ZC2HC1A: variants seen among roughly 807,000 people sequenced by gnomAD.
ZC2HC1A encodes zinc finger C2HC domain-containing protein 1A.
A neutral mutation model predicts 40.7 loss-of-function variants in ZC2HC1A; 28 were observed. The observed-to-expected ratio is 0.69, with a 90% CI of 0.51 to 0.94. The LOEUF is 0.94. Among genes scored for constraint, ZC2HC1A ranks in the 40% least tolerant of loss-of-function variants. The probability of loss-of-function intolerance (pLI) is 0.00; values close to 1 mark genes in which losing one functional copy is unlikely to be tolerated. For synonymous variants in ZC2HC1A, 129 were observed against 129.2 expected, an observed-to-expected ratio of 1.00 and a Z score of 0.01; for missense variants, 389 against 386.3, an observed-to-expected ratio of 1.01 and a Z score of -0.06.
rs1242861224 is a variant in ZC2HC1A at position 78,687,569 on chromosome 8, T to C, written c.352+961T>C. 4.2e-5 allele frequency among the ~76,000 whole-genome samples: 6 copies of C among 142,636 alleles called. No homozygotes were observed. In the East Asian group the frequency reaches 1.2e-3, roughly 28 times the overall value. The allele number at this position is 142,636 out of a possible 152,430, so 93.6% of individuals were successfully genotyped here. A position where few individuals can be genotyped will look rare whatever the true frequency, so the allele number is the denominator to read the frequency against. The stretch of plus-strand genomic sequence containing the variant: ...TAAATTTTATATTTACATAATAAAT[T>C]ATATATATTTACGTAATAAATTATA... On this transcript the variant is annotated intron_variant, in intron 4 of 8. Coordinates refer to ENST00000263849, the MANE Select transcript of ZC2HC1A (RefSeq NM_016010.3).
chr8:78,685,593 A>C (rs1809943543), intron 3 of ZC2HC1A, among the ~76,000 whole-genome samples: 1 of 152,254 alleles, frequency 6.6e-6, no homozygotes, highest in South Asian at 2.1e-4. Context: ...ATAACTCAAC[A>C]AATAAGTTGA....
intron 7 of ZC2HC1A, among the ~76,000 whole-genome samples, chr8:78,710,128 T>C (rs2717540): frequency 0.78 from 118,969 of 152,046 alleles, 46,910 homozygotes; most frequent in East Asian, 0.91. Context: ...TGAAGGCCTG[T>C]GAAAGTATTA....
At chr8:78,701,791 T>C (rs1481218762) in intron 7 of ZC2HC1A, among the ~76,000 whole-genome samples, 5 of 152,332 alleles carry the variant, frequency 3.3e-5, no homozygotes, top group Non-Finnish European at 7.4e-5. Flanking sequence ...TGAATAGCAT[T>C]TATTGATTTG....
intron 5 of ZC2HC1A, among the ~76,000 whole-genome samples, chr8:78,696,146 T>C (rs1419978896): frequency 6.6e-6 from 1 of 152,092 alleles, no homozygotes; most frequent in Non-Finnish European, 1.5e-5. Flanking sequence ...GCCATTCTCC[T>C]GCCTCAGCCT....
intron 7 of ZC2HC1A, among the ~76,000 whole-genome samples, chr8:78,714,384 T>G (rs1435871977): frequency 6.6e-6 from 1 of 152,168 alleles, no homozygotes; most frequent in Non-Finnish European, 1.5e-5. Flanking sequence ...TGTTAACTTA[T>G]AGTGGCAACA....
chr8:78,698,175 A>T (rs1810491876), intron 6 of ZC2HC1A, among the ~76,000 whole-genome samples: 1 of 152,192 alleles, frequency 6.6e-6, no homozygotes, highest in Non-Finnish European at 1.5e-5. Context: ...TTAGAAGAAG[A>T]TATTGACCAC....
intron 1 of ZC2HC1A, among the ~76,000 whole-genome samples, chr8:78,670,968 A>G (rs1421714030): frequency 6.6e-6 from 1 of 152,200 alleles, no homozygotes; most frequent in Non-Finnish European, 1.5e-5. Flanking sequence ...GAAGAAAGTG[A>G]TATAACATAT....
At chr8:78,666,257 T>C (rs1809293427) in intron 1 of ZC2HC1A, 93 bp downstream of exon 1, 9 of 1,535,084 alleles carry the variant, frequency 5.9e-6, no homozygotes, top group South Asian at 1.2e-5. Context: ...CGAGGGCTGG[T>C]TCGGTGCGGC....
chr8:78,703,027 G>A (rs1810658112), intron 7 of ZC2HC1A, among the ~76,000 whole-genome samples: 1 of 152,158 alleles, frequency 6.6e-6, no homozygotes, highest in Admixed American at 6.5e-5. Context: ...CTCTCGAGCA[G>A]CTGGGATTAC....
chr8:78,684,823 A>G (rs1327881355), intron 3 of ZC2HC1A, among the ~76,000 whole-genome samples: 1 of 152,204 alleles, frequency 6.6e-6, no homozygotes, highest in Non-Finnish European at 1.5e-5. Context: ...ACTTCCACAA[A>G]GTAAAAAAAT....
intron 8 of ZC2HC1A, among the ~76,000 whole-genome samples, chr8:78,716,285 G>T (rs1340020330): frequency 1.3e-5 from 2 of 151,336 alleles, no homozygotes; most frequent in Non-Finnish European, 2.9e-5. Flanking sequence ...ACCACGCCTG[G>T]CTAATTTTTT....
intron 1 of ZC2HC1A, among the ~76,000 whole-genome samples, chr8:78,672,623 A>G (rs1283037558): frequency 6.6e-6 from 1 of 152,208 alleles, no homozygotes; most frequent in Non-Finnish European, 1.5e-5. Context: ...AACCTTTAAG[A>G]TAAAAGAACA....
intron 7 of ZC2HC1A, among the ~76,000 whole-genome samples, chr8:78,702,525 G>GT (rs1810637770): frequency 6.6e-6 from 1 of 151,980 alleles, no homozygotes. Context: ...GTTTGTTCTT[G>GT]TTTTTCTAGT....
intron 7 of ZC2HC1A, chr8:78,712,209 T>C: frequency 1.8e-6 from 1 of 540,954 alleles, no homozygotes; most frequent in Non-Finnish European, 2.8e-6. Context: ...CTTAAAAAAA[T>C]CTGTTGAATA....
chr8:78,667,934 A>G (rs1417870809), intron 1 of ZC2HC1A, among the ~76,000 whole-genome samples: 1 of 149,598 alleles, frequency 6.7e-6, no homozygotes, highest in Non-Finnish European at 1.5e-5. Flanking sequence ...TTATGATGTT[A>G]ATAGTGCTTG....
At chr8:78,684,385 A>G (rs1338725221) in intron 3 of ZC2HC1A, among the ~76,000 whole-genome samples, 2 of 152,190 alleles carry the variant, frequency 1.3e-5, no homozygotes, top group Non-Finnish European at 2.9e-5. Context: ...TGCCCTTTGT[A>G]AAACCATCAG....
chr8:78,688,458 T>A (rs1810097652), intron 4 of ZC2HC1A, among the ~76,000 whole-genome samples: 1 of 152,238 alleles, frequency 6.6e-6, no homozygotes, highest in East Asian at 1.9e-4. Context: ...AAACTCTGTA[T>A]CAAAAAAGTA....
chr8:78,707,067 G>A lies in ZC2HC1A; in HGVS notation c.705-8154G>A, dbSNP rs56815353. Among the ~76,000 whole-genome samples, 53 of 152,282 alleles carry A rather than the reference G, an allele frequency of 3.5e-4. No individual in the cohort carries two copies. In the East Asian group the frequency reaches 8.7e-3, roughly 25 times the overall value. ...TCTGATTTATTTTCTTCTCCAATGA[G>A]TTGACTCATTGGATGATTAAGTGAA... On this transcript the variant is annotated intron_variant, in intron 7 of 8. Coordinates refer to ENST00000263849, the MANE Select transcript of ZC2HC1A (RefSeq NM_016010.3).
At position 78,691,082 on chromosome 8, in the gene ZC2HC1A, T is replaced by C. The variant is rs1032204866; in HGVS notation, c.504+1709T>C. 5.9e-5 allele frequency among the ~76,000 whole-genome samples: 9 copies of C among 152,286 alleles called. No individual in the cohort carries two copies. In the East Asian group the frequency reaches 1.7e-3, roughly 29 times the overall value. ...TTTGGCTTTTATTTCTTTTTTGTGATTTACTGCATGGGCTAGACTAATGTT... is the reference window on the plus strand; with the variant it reads ...TTTGGCTTTTATTTCTTTTTTGTGACTTACTGCATGGGCTAGACTAATGTT... On this transcript the variant is annotated intron_variant, in intron 5 of 8. Coordinates refer to ENST00000263849, the MANE Select transcript of ZC2HC1A (RefSeq NM_016010.3).
Sources: allele counts gnomAD v4.1 joint callset (sites outside exome capture counted in the v4.1 genomes callset), GRCh38; gene constraint gnomAD v4.1.1; transcripts MANE v1.5; gene names NCBI Gene and HGNC (gene_info 2026-07-23, HGNC 2026-07-21).